Variants in VMP1 observed in about 807,000 individuals in gnomAD.
VMP1 encodes vacuole membrane protein 1.
A neutral mutation model predicts 56.0 loss-of-function variants in VMP1; 11 were observed. The observed-to-expected ratio is 0.20, with a 90% CI of 0.12 to 0.32. The LOEUF is 0.32. Among genes scored for constraint, VMP1 ranks in the 10% least tolerant of loss-of-function variants. VMP1 has a pLI of 1.00. For missense variants in VMP1, 296 were observed against 490.3 expected (o/e 0.60, Z 3.74); for synonymous variants, 149 against 165.0 (o/e 0.90, Z 0.74).
At chr17:59,736,205 G>A (rs907705329) in intron 3 of VMP1, among the ~76,000 whole-genome samples, 19 of 151,980 alleles carry the variant, frequency 1.3e-4, no homozygotes, top group Non-Finnish European at 2.9e-5. Flanking sequence ...TCAGGAATTC[G>A]AGACCTGGCC....
intron 8 of VMP1, among the ~76,000 whole-genome samples, chr17:59,809,770 T>A (rs1457324764): frequency 1.3e-5 from 2 of 152,020 alleles, no homozygotes; most frequent in East Asian, 3.9e-4. Context: ...CCTCCCAAAG[T>A]ACTGGGATTA....
chr17:59,750,467 A>G (rs549779765), intron 5 of VMP1, among the ~76,000 whole-genome samples: 1 of 151,952 alleles, frequency 6.6e-6, no homozygotes, highest in East Asian at 1.9e-4. Flanking sequence ...ACACCCGGCT[A>G]ATTTTTGTAT....
chr17:59,717,686 A>G (rs1006835031), intron 1 of VMP1, among the ~76,000 whole-genome samples: 6 of 152,150 alleles, frequency 3.9e-5, no homozygotes, highest in Non-Finnish European at 8.8e-5. Context: ...TTGGGAGGCC[A>G]AGGCAGGAGG....
chr17:59,774,821 G>A (rs1013886213), intron 7 of VMP1, among the ~76,000 whole-genome samples: 7 of 151,866 alleles, frequency 4.6e-5, no homozygotes, highest in African/African-American at 1.5e-4. Flanking sequence ...GGCTCCAGCC[G>A]GGGGTGGTAG....
chr17:59,732,564 T>C (rs959934072), intron 2 of VMP1, among the ~76,000 whole-genome samples: 1 of 152,020 alleles, frequency 6.6e-6, no homozygotes, highest in Non-Finnish European at 1.5e-5. Flanking sequence ...TTAATCACCA[T>C]ATTGCCTTGC....
intron 7 of VMP1, among the ~76,000 whole-genome samples, chr17:59,795,990 A>G (rs1159612105): frequency 6.6e-6 from 1 of 152,186 alleles, no homozygotes; most frequent in Admixed American, 6.6e-5. Context: ...TTTTAATATC[A>G]TTAAAAACCA....
At chr17:59,837,524 G>C (rs1044234631) in intron 10 of VMP1, 5 of 152,200 alleles carry the variant, frequency 3.3e-5, no homozygotes, top group Admixed American at 3.3e-4. Flanking sequence ...GGAGCTCCGA[G>C]TACATAAATT....
At chr17:59,727,629 AC>A (rs1226566318) in intron 1 of VMP1, among the ~76,000 whole-genome samples, 3 of 152,132 alleles carry the variant, frequency 2.0e-5, no homozygotes, top group Non-Finnish European at 4.4e-5. Flanking sequence ...AGACCCCCGA[AC>A]TTTTAAAATG....
chr17:59,744,522 G>T (rs899650421), intron 5 of VMP1, among the ~76,000 whole-genome samples: 1 of 150,446 alleles, frequency 6.6e-6, no homozygotes, highest in Non-Finnish European at 1.5e-5. Flanking sequence ...AGGCATGGTG[G>T]CTGATGCCTG....
chr17:59,821,192 G>T (rs546517340), intron 10 of VMP1, among the ~76,000 whole-genome samples: 1 of 151,780 alleles, frequency 6.6e-6, no homozygotes, highest in African/African-American at 2.4e-5. Flanking sequence ...GGATGGTCTC[G>T]ATCTCCTGAC....
At chr17:59,799,026 G>T (rs2037546498) in intron 7 of VMP1, among the ~76,000 whole-genome samples, 1 of 152,134 alleles carries the variant, frequency 6.6e-6, no homozygotes, top group African/African-American at 2.4e-5. Flanking sequence ...TTTGTTTTCA[G>T]ATTTCTAGTT....
At chr17:59,802,105 G>A (rs1268154832) in intron 7 of VMP1, among the ~76,000 whole-genome samples, 2 of 151,990 alleles carry the variant, frequency 1.3e-5, no homozygotes, top group Admixed American at 6.6e-5. Flanking sequence ...GGAGTTTGAG[G>A]TGTGAGAATC....
rs118099682 is a variant in VMP1, at chr17:59,750,849, A to C, written c.414+11902A>C. On this transcript the variant is annotated intron_variant, in intron 5 of 11. Coordinates refer to ENST00000262291, the MANE Select transcript of VMP1 (RefSeq NM_030938.5). Reference sequence around the variant, plus strand: ...GTAGTGCAAGTTACAAATTTCATTCATTTACCTTATTTGAGTTTGTATGTA... The same window carrying C: ...GTAGTGCAAGTTACAAATTTCATTCCTTTACCTTATTTGAGTTTGTATGTA... 1.6e-3 allele frequency among the ~76,000 whole-genome samples: 247 copies of C among 150,366 alleles called. 2 individuals carry two copies. Among genetic ancestry groups the C allele is most frequent in the Non-Finnish European group, 2.3e-3 (159 of 67,800 alleles).
chr17:59,712,448 A>G (rs1485527613), intron 1 of VMP1, among the ~76,000 whole-genome samples: 1 of 152,226 alleles, frequency 6.6e-6, no homozygotes, highest in Non-Finnish European at 1.5e-5. Flanking sequence ...TTGATGTTTC[A>G]TGATGTCTTT....
At chr17:59,755,698 T>C (rs535009268) in intron 5 of VMP1, among the ~76,000 whole-genome samples, 1 of 151,958 alleles carries the variant, frequency 6.6e-6, no homozygotes, top group African/African-American at 2.4e-5. Flanking sequence ...CCCCGGTTAC[T>C]GCTTTTTGAC....
In VMP1 at chr17:59,765,164, T is replaced by G. The variant is rs773930852; in HGVS notation, c.582+26T>G. The G allele has an allele frequency of 4.3e-6, 7 of 1,609,426 alleles. No individual in the cohort carries two copies. The East Asian group carries it at 1.3e-4, about 31-fold the overall frequency. ...GTAAGATATGCATTTTCATATTTGT[T>G]TAAAACTAACCTCACCATCTTGATA... is the stretch of plus-strand genomic sequence containing the variant. On this transcript the variant is annotated intron_variant, in intron 6 of 11. Coordinates refer to ENST00000262291, the MANE Select transcript of VMP1 (RefSeq NM_030938.5).
chr17:59,790,228 A>G (rs548109347), intron 7 of VMP1, among the ~76,000 whole-genome samples: 2 of 152,318 alleles, frequency 1.3e-5, no homozygotes, highest in South Asian at 2.1e-4. Context: ...AGGTCTTACA[A>G]CTTCAAAATA....
chr17:59,811,858 T>A, intron 9 of VMP1, 72 bp downstream of exon 9: 1 of 1,064,200 alleles, frequency 9.4e-7, no homozygotes, highest in Non-Finnish European at 1.4e-6. Context: ...TGCTCATTCC[T>A]AAGTGAATTA....
rs754951125 is a variant in VMP1, at chr17:59,735,348, A to G, written c.87A>G (p.Ser29=). The G allele has an allele frequency of 6.2e-7, 1 of 1,614,058 alleles. No individual in the cohort carries two copies. The highest frequency in any genetic ancestry group is 1.7e-5 in the Admixed American group (1 of 59,996). The change falls in exon 3 of 12, where the codon TCA becomes TCG. Residue 29 remains serine (S), a synonymous_variant. Coordinates refer to ENST00000262291, the MANE Select transcript of VMP1 (RefSeq NM_030938.5). ...ACTATTGTTTTTCAGACCCCTCTTC[A>G]GTGAATGAAAAGAAGAGGAGGGAGC... is the stretch of plus-strand genomic sequence containing the variant. ...HHNGNFTDPS[S]VNEKKRRERE...
Sources: gnomAD v4.1 joint callset for allele counts (sites outside exome capture counted in the v4.1 genomes callset) on GRCh38, gnomAD v4.1.1 for gene constraint, MANE v1.5 for transcripts, NCBI Gene and HGNC (gene_info 2026-07-23, HGNC 2026-07-21) for gene names.